Variants in TSPAN16 observed in about 807,000 individuals in gnomAD.
TSPAN16 encodes tetraspanin-16.
A neutral mutation model predicts 25.2 loss-of-function variants in TSPAN16; 23 were observed. That is an observed-to-expected ratio of 0.91 (90% CI 0.66 to 1.29). The LOEUF (loss-of-function observed/expected upper bound fraction) is 1.29. Among genes scored for constraint, TSPAN16 ranks in the 50% most tolerant of loss-of-function variants. TSPAN16 has a pLI of 0.00. For missense variants in TSPAN16, 272 were observed against 299.9 expected (o/e 0.91, Z 0.69); for synonymous variants, 123 against 124.4 (o/e 0.99, Z 0.08).
At chr19:11,307,720 A>G (rs2080644934) in intron 5 of TSPAN16, 1 of 152,110 alleles carries the variant, frequency 6.6e-6, no homozygotes, top group African/African-American at 2.4e-5. Flanking sequence ...GAACCACCAC[A>G]CCCAGCCTGG....
intron 4 of TSPAN16, 50 bp downstream of exon 4, chr19:11,301,358 G>A (rs1328062723): frequency 9.6e-6 from 14 of 1,463,030 alleles, no homozygotes; most frequent in Non-Finnish European, 1.1e-5. Context: ...TACACAACAT[G>A]GGCGGGCGAA....
rs2080697783 is a variant in TSPAN16, at chr19:11,312,065, G to GT, written c.604-72dup. 6.1e-6 allele frequency: 7 copies of GT among 1,154,028 alleles called. No individual in the cohort carries two copies. In the South Asian group the frequency reaches 9.1e-5, roughly 15 times the overall value. The allele number at this position is 1,154,028 out of a possible 1,614,324, so 71.5% of individuals were successfully genotyped here. On this transcript the variant is annotated intron_variant, in intron 5 of 6. Transcript: ENST00000590327. ...GAGAGTCGTCTGAGTGGCCTAATGA[G>GT]TTGGGGTTGATGGGGACTTGCAATC...
downstream of TSPAN16, among the ~76,000 whole-genome samples, chr19:11,317,432 C>T (rs549534712): frequency 2.8e-4 from 43 of 152,270 alleles, no homozygotes; most frequent in Admixed American, 5.9e-4. Context: ...TCTCCCATGT[C>T]AACTTTCTAA....
chr19:11,297,952 C>CT (rs2080497024), intron 1 of TSPAN16, among the ~76,000 whole-genome samples, 190 bp from the exon 2 acceptor site: 1 of 123,708 alleles, frequency 8.1e-6, no homozygotes, highest in Non-Finnish European at 1.6e-5. Context: ...CTACTACTGG[C>CT]TATTTTTTTT....
intron 5 of TSPAN16, among the ~76,000 whole-genome samples, chr19:11,308,810 T>TTTG (rs2080658716): frequency 6.6e-6 from 1 of 152,064 alleles, no homozygotes; most frequent in Non-Finnish European, 1.5e-5. Flanking sequence ...GGTTTTACCA[T>TTTG]GTTGGTCAGG....
At chr19:11,303,450 AC>A (rs2080588924) in intron 4 of TSPAN16, among the ~76,000 whole-genome samples, 1 of 143,040 alleles carries the variant, frequency 7.0e-6, no homozygotes, top group South Asian at 2.3e-4. Flanking sequence ...GCCTAGGAAA[AC>A]CAGAGACCTT....
At chr19:11,300,117 C>G in intron 3 of TSPAN16, among the ~76,000 whole-genome samples, 1 of 152,084 alleles carries the variant, frequency 6.6e-6, no homozygotes, top group South Asian at 2.1e-4. Context: ...GGGAAGGAGG[C>G]GGCTCTCTGG....
At chr19:11,326,823 T>G in exon 7 of TSPAN16, 1 of 683,656 alleles carries the variant, frequency 1.5e-6, no homozygotes, top group Non-Finnish European at 2.7e-6. Context: ...TTGCGCAGGC[T>G]GGTCTTGAAC....
Position 11,298,316 on chromosome 19 carries a change from G to A in TSPAN16, c.244G>A (p.Glu82Lys). The A allele has an allele frequency of 6.2e-7, 1 of 1,614,096 alleles. No homozygotes were observed. The highest frequency in any genetic ancestry group is 2.2e-5 in the East Asian group (1 of 44,882). The stretch of plus-strand genomic sequence containing the variant: ...TGCCGGGTGGTATGGAGCGACTAAA[G>A]AGAGCAGAGGCACGCTCTTGTTTGT... ...GCAGWYGATK[E>K]SRGTLLFCIL... The change falls in exon 2 of 7, where the codon GAG (glutamate) becomes AAG (lysine). Residue 82 changes from glutamate to lysine, a missense_variant. Physicochemically the swap from Glu to Lys is moderately conservative, Grantham distance 56 (BLOSUM62 1). Transcript: ENST00000590327.
intron 4 of TSPAN16, 128 bp downstream of exon 4, chr19:11,301,436 T>A: frequency 1.6e-6 from 1 of 624,132 alleles, no homozygotes; most frequent in Non-Finnish European, 2.8e-6. Flanking sequence ...GGTCAGGAGT[T>A]TGAGACCAGC....
chr19:11,316,199 A>G (rs1257184265), downstream of TSPAN16, among the ~76,000 whole-genome samples: 2 of 143,346 alleles, frequency 1.4e-5, no homozygotes, highest in Non-Finnish European at 3.0e-5. Context: ...GCTCACTGCA[A>G]CCTCCACCTC....
chr19:11,313,623 A>C (rs1174718021), intron 6 of TSPAN16, among the ~76,000 whole-genome samples: 3 of 152,160 alleles, frequency 2.0e-5, no homozygotes, highest in Non-Finnish European at 4.4e-5. Flanking sequence ...AAGAAGGCAT[A>C]CAGATGGCCA....
intron 6 of TSPAN16, among the ~76,000 whole-genome samples, chr19:11,315,462 C>T (rs867124328): frequency 7.3e-5 from 11 of 151,054 alleles, no homozygotes; most frequent in African/African-American, 2.7e-4. Context: ...GAGGCTGAGG[C>T]AGGAGAATGG....
chr19:11,314,944 G>C (rs75324440), intron 6 of TSPAN16, among the ~76,000 whole-genome samples: 4,590 of 152,142 alleles, frequency 0.03, 233 homozygotes, highest in African/African-American at 0.11. Context: ...GGGCCGAAGT[G>C]GAGAGGATGG....
At chr19:11,311,277 A>C (rs1022947029) in intron 5 of TSPAN16, among the ~76,000 whole-genome samples, 1 of 152,236 alleles carries the variant, frequency 6.6e-6, no homozygotes, top group Non-Finnish European at 1.5e-5. Context: ...CTGGAATTAC[A>C]GGCACCGCCA....
intron 3 of TSPAN16, among the ~76,000 whole-genome samples, chr19:11,300,433 G>A (rs1013983852): frequency 6.6e-6 from 1 of 152,124 alleles, no homozygotes. Flanking sequence ...TGGGCTCAGA[G>A]GCCAGAGAAT....
chr19:11,325,614 G>A (rs1234961542), intron 6 of TSPAN16: 3 of 1,447,106 alleles, frequency 2.1e-6, no homozygotes, highest in East Asian at 2.5e-5. Context: ...GGGGACACTC[G>A]TAAGACCCCT....
chr19:11,326,402 C>G (rs1012258173), intron 6 of TSPAN16, among the ~76,000 whole-genome samples: 4 of 152,054 alleles, frequency 2.6e-5, no homozygotes, highest in African/African-American at 9.7e-5. Context: ...AAAACGAAAC[C>G]CTGCGGCTGC....
chr19:11,316,107 GTGTGTGTGTGGT>G (rs1568295717), downstream of TSPAN16: 4 of 339,408 alleles, frequency 1.2e-5, no homozygotes, highest in African/African-American at 9.7e-5. Context: ...GTGTGTGTGT[GTGTGTGTGTGGT>G]TTTTTTTTTT....
Sources: gnomAD v4.1 joint callset for allele counts (sites outside exome capture counted in the v4.1 genomes callset) on GRCh38, gnomAD v4.1.1 for gene constraint, MANE v1.5 for transcripts, NCBI Gene and HGNC (gene_info 2026-07-23, HGNC 2026-07-21) for gene names.